Variants in MT1A observed in about 807,000 individuals in gnomAD.
The protein encoded by MT1A is metallothionein-1A.
Under a neutral mutation model 5.5 loss-of-function variants are expected in MT1A, and 6 were observed. The observed-to-expected ratio is 1.09, with a 90% CI of 0.60 to 2.16. The LOEUF (loss-of-function observed/expected upper bound fraction) is 2.16. Ranked by LOEUF, MT1A falls within the 30% of genes most tolerant of loss-of-function variation. The probability of loss-of-function intolerance (pLI) is 0.00; values close to 1 mark genes in which losing one functional copy is unlikely to be tolerated. For synonymous variants in MT1A, 23 were observed against 24.8 expected (o/e 0.93, Z 0.21); for missense variants, 69 against 73.4 (o/e 0.94, Z 0.22).
intron 2 of MT1A, 123 bp from the exon 3 acceptor site, chr16:56,639,736 T>A: frequency 7.7e-7 from 1 of 1,296,896 alleles, no homozygotes; most frequent in Non-Finnish European, 1.1e-6. Flanking sequence ...TCTCCGACAG[T>A]GCATGCCATC....
chr16:56,638,914 C>T, intron 1 of MT1A, 148 bp downstream of exon 1: 1 of 997,620 alleles, frequency 1.0e-6, no homozygotes, highest in South Asian at 1.4e-5. Flanking sequence ...GCGCCTTCAT[C>T]ATCCCTAGAA....
chr16:56,638,684 G>C lies in MT1A; in HGVS notation c.-55G>C, dbSNP rs1443804469. 8.1e-6 allele frequency: 13 copies of C among 1,605,676 alleles called. No individual in the cohort carries two copies. The highest frequency in any genetic ancestry group is 2.2e-5 in the East Asian group (1 of 44,834). On this transcript the variant is annotated 5_prime_UTR_variant, in exon 1 of 3. Coordinates refer to ENST00000290705, the MANE Select transcript of MT1A (RefSeq NM_005946.3). ...GGGCCCTACCAAGCCTTCCACGTGC[G>C]CCTTATAGCCTCTCAACTTCTTGCT...
In MT1A at chr16:56,639,315, C is replaced by A. The variant is rs11640851; in HGVS notation, c.80C>A (p.Thr27Asn). Residue 27 changes from threonine to asparagine, a missense_variant, in exon 2 of 3, where the codon ACC becomes AAC. Thr to Asn is a moderately conservative substitution (Grantham distance 65, BLOSUM62 0). Transcript: ENST00000290705. ...TGCAAATGCAAAGAGTGCAAATGCACCTCCTGCAAGAAGAGTGAGTGTGGG... is the reference window on the plus strand; with the variant it reads ...TGCAAATGCAAAGAGTGCAAATGCAACTCCTGCAAGAAGAGTGAGTGTGGG... ...GSCKCKECKC[T>N]SCKKSCCSCC... 1,002,479 of 1,609,960 alleles carry A rather than the reference C, an allele frequency of 0.62. 318,735 individuals carry two copies. The highest frequency in any genetic ancestry group is 0.67 in the Middle Eastern group (4,027 of 6,038).
chr16:56,639,163 G>A, intron 1 of MT1A, 101 bp from the exon 2 acceptor site: 1 of 1,341,216 alleles, frequency 7.5e-7, no homozygotes, highest in Admixed American at 1.8e-5. Context: ...TTGGACAGGA[G>A]CTATCTATCA....
Position 56,639,808 on chromosome 16 carries a change from G to T in MT1A, c.95-51G>T, listed in dbSNP as rs1229340079. 1.9e-6 allele frequency: 3 copies of T among 1,611,406 alleles called. No homozygotes were observed. The Admixed American group carries it at 5.0e-5, about 27-fold the overall frequency. On this transcript the variant is annotated intron_variant, in intron 2 of 2. Coordinates refer to ENST00000290705, the MANE Select transcript of MT1A (RefSeq NM_005946.3). ...TGGGCCAGGCTTCTCTGGGGGCAGG[G>T]AAGTCCCCGGTCAAGTCTGGTCTGA...
rs1221473461 is a variant in MT1A at position 56,640,018 on chromosome 16, A to G, written c.*68A>G. The G allele has an allele frequency of 1.4e-5, 22 of 1,587,806 alleles. No individual in the cohort carries two copies. Among genetic ancestry groups the G allele is most frequent in the Non-Finnish European group, 1.8e-5 (21 of 1,161,380 alleles). ...CACAAACTTGGAATTTTTTTTCCAT[A>G]CAACCCTGACCCATTTACTGTATTT... On this transcript the variant is annotated 3_prime_UTR_variant, in exon 3 of 3. Transcript: ENST00000290705.
At chr16:56,639,170 A>G in intron 1 of MT1A, 94 bp from the exon 2 acceptor site, 2 of 1,389,436 alleles carry the variant, frequency 1.4e-6, no homozygotes, top group Admixed American at 3.5e-5. Flanking sequence ...GGAGCTATCT[A>G]TCAGGCCTGG....
chr16:56,638,900 C>T, intron 1 of MT1A, 134 bp downstream of exon 1: 2 of 1,101,282 alleles, frequency 1.8e-6, no homozygotes, highest in Non-Finnish European at 2.7e-6. Flanking sequence ...TGCTTTTCCA[C>T]TCAGCGCCTT....
chr16:56,638,780 G>T lies in MT1A; in HGVS notation c.28+14G>T. On this transcript the variant is annotated intron_variant, in intron 1 of 2. Transcript: ENST00000290705. ...CCTGCGCCACTGGTAAGGGATGCTA[G>T]GTTTCTGGTCCTTAGGATACCTATT... 2 of 1,613,280 alleles carry T rather than the reference G, an allele frequency of 1.2e-6. No individual in the cohort carries two copies. Among genetic ancestry groups the T allele is most frequent in the South Asian group, 2.2e-5 (2 of 91,086 alleles).
At position 56,639,897 on chromosome 16, in the gene MT1A, G is replaced by A. The variant is rs765158862; in HGVS notation, c.133G>A (p.Ala45Thr). ...SCCPMSCAKC[A>T]QGCICKGASE... ...CTGCCCCATGAGCTGTGCCAAGTGT[G>A]CCCAGGGCTGCATCTGCAAAGGGGC... The change falls in exon 3 of 3, where the codon GCC becomes ACC. Residue 45 changes from alanine (A) to threonine (T), a missense_variant. Transcript: ENST00000290705. 1.2e-6 allele frequency: 2 copies of A among 1,614,190 alleles called. No individual in the cohort carries two copies. The highest frequency in any genetic ancestry group is 2.2e-5 in the South Asian group (2 of 91,082).
At chr16:56,639,194 T>TG in intron 1 of MT1A, 70 bp from the exon 2 acceptor site, 2 of 1,557,646 alleles carry the variant, frequency 1.3e-6, no homozygotes, top group South Asian at 2.2e-5. Context: ...TGCACTCAGC[T>TG]GGCAGCATTT....
chr16:56,640,027 A>AC lies in MT1A; in HGVS notation c.*80dup. The AC allele has an allele frequency of 6.5e-7, 1 of 1,533,086 alleles. No homozygotes were observed. Among genetic ancestry groups the AC allele is most frequent in the South Asian group, 1.2e-5 (1 of 82,574 alleles). The allele number at this position is 1,533,086 out of a possible 1,614,324, so 95.0% of individuals were successfully genotyped here. On this transcript the variant is annotated 3_prime_UTR_variant, in exon 3 of 3. Coordinates refer to ENST00000290705, the MANE Select transcript of MT1A (RefSeq NM_005946.3). Reference sequence around the variant, plus strand: ...GGAATTTTTTTTCCATACAACCCTGACCCATTTACTGTATTTTTTTTAATG... The same window carrying AC: ...GGAATTTTTTTTCCATACAACCCTGACCCCATTTACTGTATTTTTTTTAATG...
intron 2 of MT1A, 102 bp from the exon 3 acceptor site, chr16:56,639,757 T>C (rs1473908774): frequency 6.8e-7 from 1 of 1,469,824 alleles, no homozygotes; most frequent in African/African-American, 1.4e-5. Context: ...CTGAACTAAG[T>C]GTCCTCTGGG....
At chr16:56,639,419 C>G in intron 2 of MT1A, 90 bp downstream of exon 2, 1 of 1,388,356 alleles carries the variant, frequency 7.2e-7, no homozygotes, top group Non-Finnish European at 1.0e-6. Context: ...GGCCAATGAT[C>G]CATTTCCCAC....
chr16:56,638,716 C>A lies in MT1A; in HGVS notation c.-23C>A. ...AGCCTCTCAACTTCTTGCTTGGGAT[C>A]TCCAACCTCACCGCGGCTCGAAATG... On this transcript the variant is annotated 5_prime_UTR_variant, in exon 1 of 3. Transcript: ENST00000290705. 1 of 1,614,144 alleles carries A rather than the reference C, an allele frequency of 6.2e-7. No homozygotes were observed. The highest frequency in any genetic ancestry group is 8.5e-7 in the Non-Finnish European group (1 of 1,179,978).
At chr16:56,639,802 G>A (rs887914404) in intron 2 of MT1A, 57 bp from the exon 3 acceptor site, 1 of 1,608,768 alleles carries the variant, frequency 6.2e-7, no homozygotes, top group Non-Finnish European at 8.5e-7. Context: ...CTTCTCTGGG[G>A]GCAGGGAAGT....
At chr16:56,639,222 A>G (rs2144321334) in intron 1 of MT1A, 42 bp from the exon 2 acceptor site, 2 of 1,606,782 alleles carry the variant, frequency 1.2e-6, no homozygotes, top group Non-Finnish European at 1.7e-6. Flanking sequence ...AACTGCTGTT[A>G]TCTTCTGTAT....
At chr16:56,639,731 G>C in intron 2 of MT1A, 128 bp from the exon 3 acceptor site, 1 of 1,250,694 alleles carries the variant, frequency 8.0e-7, no homozygotes, top group Non-Finnish European at 1.1e-6. Context: ...TCCCATCTCC[G>C]ACAGTGCATG....
chr16:56,639,274 C>T lies in MT1A; in HGVS notation c.39C>T (p.Cys13=). The change falls in exon 2 of 3, where the codon TGC becomes TGT. Residue 13 remains cysteine, a synonymous_variant. Transcript: ENST00000290705. ...TTCTCTTCCTTGCAGGTGGCTCCTG[C>T]ACCTGCACTGGCTCCTGCAAATGCA... ...PNCSCATGGS[C]TCTGSCKCKE... The T allele has an allele frequency of 2.5e-6, 4 of 1,611,916 alleles. No homozygotes were observed. The highest frequency in any genetic ancestry group is 3.4e-6 in the Non-Finnish European group (4 of 1,178,516).
Sources: allele counts gnomAD v4.1 joint callset, GRCh38; gene constraint gnomAD v4.1.1; transcripts MANE v1.5; gene names NCBI Gene and HGNC (gene_info 2026-07-23, HGNC 2026-07-21).